Variants in LRP1B observed in about 807,000 individuals in gnomAD.
The protein encoded by LRP1B is low-density lipoprotein receptor-related protein 1B.
Under a neutral mutation model 556.6 loss-of-function variants are expected in LRP1B, and 217 were observed. The ratio of observed to expected loss-of-function variants is 0.39; its 90% CI spans 0.35 to 0.44. The LOEUF is 0.44. LRP1B is among the 20% of genes least tolerant of loss of function. LRP1B has a pLI of 1.00. For synonymous variants in LRP1B, 2,047 were observed against 1,865.8 expected, an observed-to-expected ratio of 1.10 and a Z score of -2.50; for missense variants, 5,053 against 5,620.8, an observed-to-expected ratio of 0.90 and a Z score of 3.23.
chr2:140,436,206 A>C (rs929308224), intron 66 of LRP1B, among the ~76,000 whole-genome samples: 2 of 152,146 alleles, frequency 1.3e-5, no homozygotes, highest in Non-Finnish European at 2.9e-5. Flanking sequence ...CATAGAAAAT[A>C]AGTTCCCCAC....
intron 3 of LRP1B, among the ~76,000 whole-genome samples, chr2:141,345,462 C>A (rs942017765): frequency 6.6e-6 from 1 of 151,638 alleles, no homozygotes; most frequent in African/African-American, 2.4e-5. Flanking sequence ...AGACAACAAC[C>A]TTTTCTTCTC....
intron 27 of LRP1B, among the ~76,000 whole-genome samples, chr2:140,852,602 A>T (rs1692493310): frequency 6.6e-6 from 1 of 152,126 alleles, no homozygotes; most frequent in African/African-American, 2.4e-5. Context: ...CTATGTGAAG[A>T]AATGTCTGTC....
At position 140,982,150 on chromosome 2, in the gene LRP1B, C is replaced by T. The variant is rs775733647; in HGVS notation, c.2887+10G>A. 1 of 1,601,300 alleles carries T rather than the reference C, an allele frequency of 6.2e-7. No individual in the cohort carries two copies. The highest frequency in any genetic ancestry group is 1.3e-5 in the African/African-American group (1 of 74,624). ...ATCTGTAATAATAACATGTCTCACTCACAACTTACCACAAGATGCCATTTC... is the reference window on the plus strand; with the variant it reads ...ATCTGTAATAATAACATGTCTCACTTACAACTTACCACAAGATGCCATTTC... On this transcript the variant is annotated intron_variant, in intron 18 of 90. Transcript: ENST00000389484.
intron 2 of LRP1B, among the ~76,000 whole-genome samples, chr2:141,708,106 T>C (rs1692215264): frequency 6.6e-6 from 1 of 152,150 alleles, no homozygotes; most frequent in South Asian, 2.1e-4. Context: ...AATATAATTA[T>C]TTCCCACTTG....
intron 3 of LRP1B, among the ~76,000 whole-genome samples, chr2:141,369,116 A>AGGAC (rs1210055514): frequency 2.6e-5 from 4 of 152,194 alleles, no homozygotes; most frequent in African/African-American, 9.6e-5. Flanking sequence ...AATAAACATC[A>AGGAC]GGACCAAGCC....
At chr2:141,278,786 T>A (rs1487612719) in intron 3 of LRP1B, among the ~76,000 whole-genome samples, 1 of 152,180 alleles carries the variant, frequency 6.6e-6, no homozygotes, top group African/African-American at 2.4e-5. Context: ...CTTCTGTTTA[T>A]CTTTTGGGGG....
chr2:142,117,429 A>G (rs1457508325), intron 1 of LRP1B, among the ~76,000 whole-genome samples: 1 of 152,098 alleles, frequency 6.6e-6, no homozygotes, highest in Non-Finnish European at 1.5e-5. Flanking sequence ...TCGGCTCTCT[A>G]GGGCCATCTT....
At chr2:141,764,143 T>C (rs542294359) in intron 2 of LRP1B, among the ~76,000 whole-genome samples, 1 of 152,134 alleles carries the variant, frequency 6.6e-6, no homozygotes, top group African/African-American at 2.4e-5. Context: ...GTAATTAAGG[T>C]TAAATGAAGT....
intron 2 of LRP1B, among the ~76,000 whole-genome samples, chr2:141,607,886 G>A (rs6732315): frequency 0.026 from 3,979 of 152,170 alleles, 168 homozygotes; most frequent in African/African-American, 0.089. Flanking sequence ...TCATGCCACT[G>A]CCCTTCAGCC....
intron 32 of LRP1B, among the ~76,000 whole-genome samples, chr2:140,808,329 T>A (rs1054039250): frequency 6.6e-6 from 1 of 151,508 alleles, no homozygotes; most frequent in African/African-American, 2.4e-5. Context: ...TTTATTTTAA[T>A]GTAATTATGT....
intron 7 of LRP1B, among the ~76,000 whole-genome samples, chr2:141,071,745 C>T (rs1409497344): frequency 3.9e-5 from 6 of 152,106 alleles, no homozygotes; most frequent in Non-Finnish European, 7.3e-5. Flanking sequence ...GAGTGAGCTC[C>T]CATTCACAAT....
At chr2:140,568,822 G>A (rs1681218903) in intron 43 of LRP1B, among the ~76,000 whole-genome samples, 1 of 151,940 alleles carries the variant, frequency 6.6e-6, no homozygotes, top group African/African-American at 2.4e-5. Flanking sequence ...ATAATGTAAA[G>A]GTTTTTACAT....
chr2:141,310,185 T>C (rs1276472878), intron 3 of LRP1B, among the ~76,000 whole-genome samples: 1 of 152,136 alleles, frequency 6.6e-6, no homozygotes, highest in Non-Finnish European at 1.5e-5. Context: ...AAATGAGACC[T>C]CAAGAAAGAA....
chr2:141,750,933 A>G (rs1694088065), intron 2 of LRP1B, among the ~76,000 whole-genome samples: 1 of 152,020 alleles, frequency 6.6e-6, no homozygotes, highest in Non-Finnish European at 1.5e-5. Context: ...TTCATGATAA[A>G]ACCTTTACAG....
At chr2:141,236,692 A>G (rs1683657327) in intron 5 of LRP1B, among the ~76,000 whole-genome samples, 1 of 152,192 alleles carries the variant, frequency 6.6e-6, no homozygotes, top group South Asian at 2.1e-4. Flanking sequence ...TAAAATGGAA[A>G]CGTCTTACAC....
At chr2:141,144,164 AAG>A (rs1701724794) in intron 7 of LRP1B, among the ~76,000 whole-genome samples, 1 of 152,334 alleles carries the variant, frequency 6.6e-6, no homozygotes, top group Non-Finnish European at 1.5e-5. Context: ...GGAGAAAAGA[AAG>A]AAAGAAATTC....
chr2:141,368,874 A>G (rs72983114), intron 3 of LRP1B, among the ~76,000 whole-genome samples: 9,898 of 149,542 alleles, frequency 0.066, 451 homozygotes, highest in African/African-American at 0.12. Context: ...TTGCTACTTA[A>G]AGAAAAGTTT....
intron 60 of LRP1B, among the ~76,000 whole-genome samples, chr2:140,467,187 T>G (rs79179423): frequency 0.015 from 2,327 of 152,258 alleles, 59 homozygotes; most frequent in African/African-American, 0.051. Context: ...TTTCTTATAT[T>G]CAGGGAATGT....
At chr2:141,665,950 G>T (rs551236338) in intron 2 of LRP1B, among the ~76,000 whole-genome samples, 72 of 152,176 alleles carry the variant, frequency 4.7e-4, no homozygotes, top group Non-Finnish European at 7.9e-4. Context: ...AACACACATG[G>T]GGGCCTGTTG....
Sources: allele counts gnomAD v4.1 joint callset (sites outside exome capture counted in the v4.1 genomes callset), GRCh38; gene constraint gnomAD v4.1.1; transcripts MANE v1.5; gene names NCBI Gene and HGNC (gene_info 2026-07-23, HGNC 2026-07-21).